Variants in NEO1 observed in about 807,000 individuals in gnomAD.
NEO1 encodes the protein neogenin.
A neutral mutation model predicts 159.7 loss-of-function variants in NEO1; 63 were observed. The observed-to-expected ratio is 0.39, with a 90% confidence interval of 0.32 to 0.49. The LOEUF is 0.49. Ranked by LOEUF, NEO1 falls within the 20% of genes least tolerant of loss-of-function variation. The probability of loss-of-function intolerance (pLI) is 0.85; values close to 1 mark genes in which losing one functional copy is unlikely to be tolerated. For synonymous variants in NEO1, 633 were observed against 662.0 expected (o/e 0.96, Z 0.67); for missense variants, 1,615 against 1,831.0 (o/e 0.88, Z 2.15).
intron 1 of NEO1, among the ~76,000 whole-genome samples, chr15:73,104,425 T>C (rs1431696977): frequency 1.3e-5 from 2 of 152,202 alleles, no homozygotes; most frequent in African/African-American, 4.8e-5. Flanking sequence ...AGGTGTACTT[T>C]AGAAATAGCA....
At chr15:73,091,032 G>A (rs1341040554) in intron 1 of NEO1, among the ~76,000 whole-genome samples, 1 of 152,130 alleles carries the variant, frequency 6.6e-6, no homozygotes, top group Non-Finnish European at 1.5e-5. Context: ...CACAGATACA[G>A]CAAATGGCAG....
intron 22 of NEO1, among the ~76,000 whole-genome samples, chr15:73,279,379 C>T (rs1365209784): frequency 2.0e-5 from 2 of 102,292 alleles, no homozygotes; most frequent in Admixed American, 1.3e-4. Context: ...GATGGAATCT[C>T]GCTCTGTCAC....
chr15:73,140,696 A>T (rs1218272392), intron 5 of NEO1, among the ~76,000 whole-genome samples: 1 of 152,220 alleles, frequency 6.6e-6, no homozygotes, highest in South Asian at 2.1e-4. Flanking sequence ...GAATAATTCA[A>T]ATCTCCATCA....
chr15:73,111,132 A>G (rs1429944950), intron 1 of NEO1, among the ~76,000 whole-genome samples: 1 of 152,206 alleles, frequency 6.6e-6, no homozygotes, highest in Non-Finnish European at 1.5e-5. Flanking sequence ...TACTCTCCCC[A>G]GGGAGAAAAC....
At chr15:73,241,614 A>C (rs1022980118) in intron 8 of NEO1, among the ~76,000 whole-genome samples, 3 of 152,228 alleles carry the variant, frequency 2.0e-5, no homozygotes, top group African/African-American at 7.2e-5. Context: ...CCTAACTTCC[A>C]GCCCAGTGCT....
intron 11 of NEO1, among the ~76,000 whole-genome samples, chr15:73,251,313 C>A (rs1477447865): frequency 6.6e-6 from 1 of 151,778 alleles, no homozygotes; most frequent in Non-Finnish European, 1.5e-5. Context: ...GAGTTCAAGA[C>A]CAGCCTGGAC....
intron 1 of NEO1, among the ~76,000 whole-genome samples, chr15:73,083,812 TA>T (rs1475886379): frequency 5.9e-5 from 9 of 152,294 alleles, no homozygotes; most frequent in African/African-American, 2.2e-4. Flanking sequence ...AAAGTGAGGA[TA>T]ACAATAGTAT....
At chr15:73,227,369 G>T (rs559607988) in intron 7 of NEO1, among the ~76,000 whole-genome samples, 1 of 152,228 alleles carries the variant, frequency 6.6e-6, no homozygotes, top group East Asian at 1.9e-4. Flanking sequence ...GGTGGCGCAT[G>T]CCTATAATCC....
intron 5 of NEO1, among the ~76,000 whole-genome samples, chr15:73,160,594 T>C (rs1296782170): frequency 6.6e-6 from 1 of 152,120 alleles, no homozygotes; most frequent in African/African-American, 2.4e-5. Context: ...CATGATCCCC[T>C]TGTTGGGTTT....
chr15:73,093,656 C>T (rs947641367), intron 1 of NEO1, among the ~76,000 whole-genome samples: 1 of 151,976 alleles, frequency 6.6e-6, no homozygotes, highest in Admixed American at 6.6e-5. Flanking sequence ...TCACTGCAAC[C>T]TCTGCCTCCC....
chr15:73,119,216 T>C (rs1291712453), intron 2 of NEO1, among the ~76,000 whole-genome samples: 3 of 152,220 alleles, frequency 2.0e-5, no homozygotes, highest in Admixed American at 6.5e-5. Flanking sequence ...ACTTTGTTCA[T>C]ATACTAAAAA....
At chr15:73,210,424 T>A (rs1305952979) in intron 7 of NEO1, among the ~76,000 whole-genome samples, 1 of 152,234 alleles carries the variant, frequency 6.6e-6, no homozygotes, top group African/African-American at 2.4e-5. Context: ...AGGACTTCAT[T>A]AGCCCTAACC....
At chr15:73,184,020 A>G (rs2035772296) in intron 7 of NEO1, among the ~76,000 whole-genome samples, 1 of 152,176 alleles carries the variant, frequency 6.6e-6, no homozygotes, top group Non-Finnish European at 1.5e-5. Context: ...ATAGACTTTA[A>G]TAAGCCCATC....
intron 20 of NEO1, 124 bp from the exon 21 acceptor site, chr15:73,274,567 GT>G: frequency 1.1e-6 from 1 of 889,032 alleles, no homozygotes; most frequent in Non-Finnish European, 1.8e-6. Context: ...CTAAAGTCAA[GT>G]TTCAGTTTGT....
At chr15:73,156,662 A>G (rs7172021) in intron 5 of NEO1, among the ~76,000 whole-genome samples, 54,658 of 152,102 alleles carry the variant, frequency 0.36, 10,636 homozygotes, top group Admixed American at 0.47. Flanking sequence ...ATAGCCAGCT[A>G]TATTGTCAAC....
chr15:73,054,200 C>G (rs2151197836), intron 1 of NEO1, among the ~76,000 whole-genome samples: 1 of 152,284 alleles, frequency 6.6e-6, no homozygotes, highest in South Asian at 2.1e-4. Flanking sequence ...TTTTGGAAAA[C>G]AAGTTCCTGT....
chr15:73,080,080 TG>T (rs1410684670), intron 1 of NEO1, among the ~76,000 whole-genome samples: 1 of 152,212 alleles, frequency 6.6e-6, no homozygotes, highest in Admixed American at 6.5e-5. Context: ...AAACTGTTCC[TG>T]GGGGAGACCT....
chr15:73,207,867 A>G (rs992957584), intron 7 of NEO1, among the ~76,000 whole-genome samples: 1 of 152,200 alleles, frequency 6.6e-6, no homozygotes, highest in Admixed American at 6.5e-5. Context: ...GATCTTGAGC[A>G]TATTTGTTTT....
intron 1 of NEO1, among the ~76,000 whole-genome samples, chr15:73,093,034 T>G (rs1011776845): frequency 6.6e-6 from 1 of 152,224 alleles, no homozygotes; most frequent in African/African-American, 2.4e-5. Flanking sequence ...TCTCAGACTT[T>G]CCTTATTTTT....
Sources: gnomAD v4.1 joint callset for allele counts (sites outside exome capture counted in the v4.1 genomes callset) on GRCh38, gnomAD v4.1.1 for gene constraint, MANE v1.5 for transcripts, NCBI Gene and HGNC (gene_info 2026-07-23, HGNC 2026-07-21) for gene names.